DRC9: variants seen among roughly 807,000 people sequenced by gnomAD.
DRC9 encodes the protein dynein regulatory complex protein 9.
the DRC9 span, among the ~76,000 whole-genome samples, chr3:197,939,439 G>A: frequency 6.6e-6 from 1 of 152,196 alleles, no homozygotes; most frequent in Non-Finnish European, 1.5e-5. Context: ...CCGCAGGAAC[G>A]GCGTATGCCT....
At chr3:197,932,073 A>C in the DRC9 span, 1 of 1,287,068 alleles carries the variant, frequency 7.8e-7, no homozygotes, top group Non-Finnish European at 1.1e-6. Flanking sequence ...TCTTCCCTGG[A>C]AAGCACACGG....
At chr3:197,959,941 G>C in the DRC9 span, 1 of 497,388 alleles carries the variant, frequency 2.0e-6, no homozygotes, top group African/African-American at 1.9e-5. Context: ...TTTGGTAAAT[G>C]AAAGAACTGA....
the DRC9 span, among the ~76,000 whole-genome samples, chr3:197,953,026 C>G: frequency 1.3e-5 from 2 of 151,964 alleles, no homozygotes; most frequent in Non-Finnish European, 2.9e-5. Flanking sequence ...GTCTCGAACT[C>G]CTGACCTCGT....
chr3:197,889,364 C>A, the DRC9 span: 1 of 586,544 alleles, frequency 1.7e-6, no homozygotes. Context: ...TATGAGGAAG[C>A]CCTAAGTCAA....
chr3:197,938,860 C>T, the DRC9 span: 10 of 1,009,086 alleles, frequency 9.9e-6, no homozygotes, highest in South Asian at 1.3e-4. Context: ...GTACATTTTT[C>T]AACATTATCT....
chr3:197,907,155 G>A, the DRC9 span, among the ~76,000 whole-genome samples: 1 of 152,154 alleles, frequency 6.6e-6, no homozygotes, highest in Non-Finnish European at 1.5e-5. Context: ...TGCCTATGTA[G>A]GAAAGCAAGC....
the DRC9 span, among the ~76,000 whole-genome samples, chr3:197,901,619 G>A: frequency 6.6e-6 from 1 of 152,270 alleles, no homozygotes; most frequent in South Asian, 2.1e-4. This position sits in a 1 kb window ranked among gnomAD's most constrained non-coding sequence, Gnocchi z 4.4. Flanking sequence ...TGGTAGTAGT[G>A]GCCATGAGCA....
the DRC9 span, among the ~76,000 whole-genome samples, chr3:197,895,846 G>T: frequency 6.6e-6 from 1 of 151,496 alleles, no homozygotes; most frequent in African/African-American, 2.4e-5. Context: ...ACGGTAGCAT[G>T]CATTTGTAGT....
At chr3:197,953,469 A>G in the DRC9 span, 27 of 456,810 alleles carry the variant, frequency 5.9e-5, no homozygotes, top group East Asian at 1.7e-3. Context: ...TAAGAGCTCC[A>G]TAATTCTCTT....
the DRC9 span, chr3:197,954,416 C>T: frequency 6.2e-6 from 3 of 485,384 alleles, no homozygotes; most frequent in East Asian, 8.0e-5. Flanking sequence ...TTATTGCAGC[C>T]TCGACCTCCT....
chr3:197,894,947 C>A, the DRC9 span, among the ~76,000 whole-genome samples: 1 of 151,976 alleles, frequency 6.6e-6, no homozygotes, highest in Non-Finnish European at 1.5e-5. Context: ...GTGGTCCCAG[C>A]TACTCAGAGC....
the DRC9 span, among the ~76,000 whole-genome samples, chr3:197,912,334 C>T: frequency 6.6e-6 from 1 of 152,176 alleles, no homozygotes; most frequent in Admixed American, 6.5e-5. Context: ...GCCACTGTGC[C>T]CAGCCCATAA....
chr3:197,891,514 G>C, the DRC9 span: 1 of 1,599,124 alleles, frequency 6.3e-7, no homozygotes. Context: ...TTTTCTATAC[G>C]ATCTTCAATG....
chr3:197,912,042 T>C, the DRC9 span, among the ~76,000 whole-genome samples: 16 of 152,138 alleles, frequency 1.1e-4, no homozygotes, highest in Admixed American at 1.0e-3. Context: ...TTATGTCTTT[T>C]TTTGGTTTTT....
At chr3:197,953,910 A>G in the DRC9 span, 5 of 1,286,592 alleles carry the variant, frequency 3.9e-6, no homozygotes, top group East Asian at 1.2e-4. Flanking sequence ...GAAGTGGGTA[A>G]CCAGGGTTGA....
chr3:197,922,431 C>A, the DRC9 span, among the ~76,000 whole-genome samples: 1 of 152,128 alleles, frequency 6.6e-6, no homozygotes, highest in African/African-American at 2.4e-5. Context: ...TCTGGCCAGG[C>A]ACAGTGGCTC....
chr3:197,934,376 G>A, the DRC9 span, among the ~76,000 whole-genome samples: 2 of 151,736 alleles, frequency 1.3e-5, no homozygotes, highest in Non-Finnish European at 2.9e-5. Context: ...GTAGAGACAG[G>A]GTTTCACCAT....
the DRC9 span, among the ~76,000 whole-genome samples, chr3:197,901,979 C>G: frequency 6.6e-6 from 1 of 152,164 alleles, no homozygotes; most frequent in Non-Finnish European, 1.5e-5. The surrounding 1 kb of genome is among the most constrained non-coding windows in gnomAD (Gnocchi z 4.4). Context: ...GTGGTGGTCA[C>G]CAGGGGGCTT....
chr3:197,944,093 T>C, the DRC9 span: 292 of 1,570,890 alleles, frequency 1.9e-4, no homozygotes, highest in East Asian at 6.1e-3. Flanking sequence ...CAACCAATAT[T>C]TAAACATTAC....
Sources: gnomAD v4.1 joint callset for allele counts (sites outside exome capture counted in the v4.1 genomes callset) on GRCh38, gnomAD v4.1.1 for gene constraint, Gnocchi (gnomAD v3.1) non-coding constraint, MANE v1.5 for transcripts, NCBI Gene and HGNC (gene_info 2026-07-23, HGNC 2026-07-21) for gene names.